GGT1: variants seen among roughly 807,000 people sequenced by gnomAD.
GGT1 encodes the protein glutathione hydrolase 1 proenzyme.
Under a neutral mutation model 56.0 loss-of-function variants are expected in GGT1, and 21 were observed. That is an observed-to-expected ratio of 0.38 (90% CI 0.27 to 0.54). The LOEUF (loss-of-function observed/expected upper bound fraction) is 0.54. GGT1 is among the 20% of genes least tolerant of loss of function. The pLI, the probability that GGT1 is intolerant of heterozygous loss-of-function variation, is 0.82. For synonymous variants in GGT1, 238 were observed against 342.6 expected (o/e 0.69, Z 3.37); for missense variants, 466 against 787.0 (o/e 0.59, Z 4.88).
At chr22:24,609,259 A>G (rs1487289959) in intron 2 of GGT1, 2 of 151,438 alleles carry the variant, frequency 1.3e-5, no homozygotes, top group African/African-American at 4.9e-5. Flanking sequence ...GAGTGCAGGC[A>G]GGGGCTGTGA....
chr22:24,596,803 C>T (rs1296900129), intron 1 of GGT1, among the ~76,000 whole-genome samples: 3 of 145,694 alleles, frequency 2.1e-5, no homozygotes, highest in Admixed American at 6.9e-5. Flanking sequence ...GTCCCAGCTA[C>T]TTGGGAGGCT....
chr22:24,621,091 G>C (rs1569061939), intron 9 of GGT1, 21 bp downstream of exon 9: 1 of 1,557,412 alleles, frequency 6.4e-7, no homozygotes, highest in Non-Finnish European at 8.7e-7. Flanking sequence ...AACCTCAGGG[G>C]CCTGGGTGAG....
chr22:24,599,865 C>T (rs779693928), upstream of GGT1, among the ~76,000 whole-genome samples: 7 of 152,306 alleles, frequency 4.6e-5, no homozygotes, highest in East Asian at 1.9e-4. Flanking sequence ...GAAAGTGCTG[C>T]GCAGTTTTGG....
At chr22:24,597,519 T>C (rs1164073456) in intron 1 of GGT1, among the ~76,000 whole-genome samples, 2 of 151,836 alleles carry the variant, frequency 1.3e-5, no homozygotes, top group Non-Finnish European at 2.9e-5. Flanking sequence ...CACTAAAAAA[T>C]ACAAAACAAA....
At chr22:24,625,591 G>C (rs1215460374) in intron 11 of GGT1, among the ~76,000 whole-genome samples, 1 of 151,778 alleles carries the variant, frequency 6.6e-6, no homozygotes, top group Non-Finnish European at 1.5e-5. Flanking sequence ...GCCCAGGCTG[G>C]AGTGCAGTGG....
chr22:24,586,247 A>C, the GGT1 span: 1 of 1,613,832 alleles, frequency 6.2e-7, no homozygotes. Context: ...GAGGTGCAGC[A>C]GCTCATCACT....
At chr22:24,623,661 C>G in intron 10 of GGT1, 119 bp from the exon 11 acceptor site, 2 of 783,912 alleles carry the variant, frequency 2.6e-6, no homozygotes, top group Non-Finnish European at 4.2e-6. Context: ...GAAGCAGCTG[C>G]TGCTATTGGT....
chr22:24,611,108 C>T lies in GGT1; in HGVS notation c.27C>T (p.Gly9=). The part of the protein sequence containing the change: MKKKLVVL[G]LLAVVLVLVI... ...TGAAGAAGAAGTTAGTGGTGCTGGGCCTGCTGGCCGTGGTCCTGGTGCTGG... is the reference window on the plus strand; with the variant it reads ...TGAAGAAGAAGTTAGTGGTGCTGGGTCTGCTGGCCGTGGTCCTGGTGCTGG... The change falls in exon 5 of 16, where the codon GGC becomes GGT. Residue 9 remains glycine, a synonymous_variant. Transcript: ENST00000400382. The T allele has an allele frequency of 6.2e-7, 1 of 1,603,372 alleles. No individual in the cohort carries two copies. Among genetic ancestry groups the T allele is most frequent in the Non-Finnish European group, 8.5e-7 (1 of 1,175,138 alleles).
rs1027754101 is a variant in GGT1 at position 24,620,938 on chromosome 22, G to C, written c.601G>C (p.Val201Leu). ...TGAGGTGTTCTGCCGGGATAGAAAG[G>C]TGCTTCGGGAGGGGGAGAGACTGAC... Reference protein sequence around the residue: ...LCEVFCRDRKVLREGERLTLP... With the variant: ...LCEVFCRDRKLLREGERLTLP... The change falls in exon 9 of 16, where the codon GTG becomes CTG. Residue 201 changes from valine (V) to leucine (L), a missense_variant. This residue lies in a region of GGT1 where 456 missense variants were observed against 716.7 expected (regional missense o/e 0.64). Transcript: ENST00000400382. The surrounding 1 kb of genome is among the most constrained non-coding windows in gnomAD (Gnocchi z 5.6). 10 of 1,611,896 alleles carry C rather than the reference G, an allele frequency of 6.2e-6. No homozygotes were observed. The highest frequency in any genetic ancestry group is 8.5e-6 in the Non-Finnish European group (10 of 1,179,862).
At chr22:24,602,949 T>C (rs778420080), upstream of GGT1, among the ~76,000 whole-genome samples, 64 of 152,156 alleles carry the variant, frequency 4.2e-4, no homozygotes, top group Non-Finnish European at 5.0e-4. Flanking sequence ...CCCAGCCTCA[T>C]TCAGCCCCAC....
upstream of GGT1, chr22:24,592,679 C>T (rs946775523): frequency 2.4e-5 from 27 of 1,133,556 alleles, no homozygotes; most frequent in Non-Finnish European, 2.3e-5. Flanking sequence ...CTCTCGCCCA[C>T]GCAAGACCCC....
chr22:24,595,794 G>A (rs994935529), intron 1 of GGT1, among the ~76,000 whole-genome samples: 1 of 152,232 alleles, frequency 6.6e-6, no homozygotes, highest in Non-Finnish European at 1.5e-5. Context: ...CAATGGGCAG[G>A]TAGAGGGCTG....
the GGT1 span, among the ~76,000 whole-genome samples, chr22:24,585,367 C>T: frequency 3.9e-5 from 6 of 152,294 alleles, no homozygotes; most frequent in South Asian, 6.2e-4. Flanking sequence ...CCCGCTCCTT[C>T]GCAGCTCCCC....
chr22:24,583,956 A>G, the GGT1 span: 1 of 354,900 alleles, frequency 2.8e-6, no homozygotes, highest in South Asian at 2.1e-5. Flanking sequence ...CTTATGTGAC[A>G]GGTTTATCAG....
chr22:24,589,623 A>G, the GGT1 span: 1 of 650,148 alleles, frequency 1.5e-6, no homozygotes, highest in Non-Finnish European at 2.4e-6. Context: ...CCTGCAAAGC[A>G]CAGCTCACAC....
At chr22:24,588,180 C>T in the GGT1 span, 3 of 1,506,092 alleles carry the variant, frequency 2.0e-6, no homozygotes, top group South Asian at 1.2e-5. Context: ...CTTGGAGCAG[C>T]AGTGAGGAGG....
Position 24,628,676 on chromosome 22 carries a change from T to C in GGT1, c.1564-17T>C. ...TCTGGAGCCCTGCTCAGGCTTCCCC[T>C]CTCCTCCCACCCCCAGGCAGTGACT... On this transcript the variant is annotated splice_polypyrimidine_tract_variant and intron_variant, in intron 15 of 15. Coordinates refer to ENST00000400382, the MANE Select transcript of GGT1 (RefSeq NM_001288833.2). The surrounding 1 kb of genome is among the most constrained non-coding windows in gnomAD (Gnocchi z 5.7). 1.9e-6 allele frequency: 3 copies of C among 1,610,794 alleles called. No homozygotes were observed. In the South Asian group the frequency reaches 3.3e-5, roughly 18 times the overall value.
chr22:24,585,573 C>T, the GGT1 span: 2 of 424,470 alleles, frequency 4.7e-6, no homozygotes, highest in Non-Finnish European at 8.5e-6. Context: ...ACCCTTTCTC[C>T]CCACCCCAGC....
rs542935582 is a variant in GGT1, at chr22:24,608,236, C to T, written c.-359+213C>T. ...AGGACCTCAGCAGGGTGTCTTCCTC[C>T]GATCCGGGGACATCTGCCTGTGGGA... On this transcript the variant is annotated intron_variant, in intron 2 of 15. Coordinates refer to ENST00000400382, the MANE Select transcript of GGT1 (RefSeq NM_001288833.2). Among the ~76,000 whole-genome samples, 34 of 152,280 alleles carry T rather than the reference C, an allele frequency of 2.2e-4. No homozygotes were observed. The South Asian group carries it at 2.5e-3, about 11-fold the overall frequency.
Sources: gnomAD v4.1 joint callset for allele counts (sites outside exome capture counted in the v4.1 genomes callset) on GRCh38, gnomAD v4.1.1 for gene constraint, gnomAD v4.1.1 regional missense constraint, Gnocchi (gnomAD v3.1) non-coding constraint, MANE v1.5 for transcripts, NCBI Gene and HGNC (gene_info 2026-07-23, HGNC 2026-07-21) for gene names.